MYOM1: variants seen among roughly 807,000 people sequenced by gnomAD.
MYOM1 encodes myomesin 1, also known as myomesin-1.
Under a neutral mutation model 205.3 loss-of-function variants are expected in MYOM1, and 164 were observed. The ratio of observed to expected loss-of-function variants is 0.80; its 90% CI spans 0.70 to 0.91. The LOEUF is 0.91. MYOM1 is among the 40% of genes least tolerant of loss of function. The probability of loss-of-function intolerance (pLI) is 0.00; values close to 1 mark genes in which losing one functional copy is unlikely to be tolerated. For synonymous variants in MYOM1, 772 were observed against 789.4 expected, an observed-to-expected ratio of 0.98 and a Z score of 0.37; for missense variants, 2,011 against 2,127.3, an observed-to-expected ratio of 0.95 and a Z score of 1.08.
At chr18:3,216,774 C>T (rs1156419238) in intron 1 of MYOM1, among the ~76,000 whole-genome samples, 1 of 152,122 alleles carries the variant, frequency 6.6e-6, no homozygotes, top group African/African-American at 2.4e-5. Context: ...GACTCATTCT[C>T]GCCGATGTCT....
At chr18:3,118,624 G>A (rs1214307125) in intron 20 of MYOM1, among the ~76,000 whole-genome samples, 1 of 152,078 alleles carries the variant, frequency 6.6e-6, no homozygotes, top group Non-Finnish European at 1.5e-5. Flanking sequence ...ATGAGCCACC[G>A]CACCCAGCCA....
chr18:3,112,945 T>C (rs2079548771), intron 21 of MYOM1, among the ~76,000 whole-genome samples: 1 of 152,212 alleles, frequency 6.6e-6, no homozygotes, highest in Admixed American at 6.5e-5. Flanking sequence ...TAATTGTTCC[T>C]GTAAATTTAA....
chr18:3,123,408 G>A (rs539870927), intron 19 of MYOM1, among the ~76,000 whole-genome samples: 30 of 151,836 alleles, frequency 2.0e-4, no homozygotes, highest in Admixed American at 3.3e-4. Context: ...AAAATATATC[G>A]TCTCTATTAA....
In MYOM1 at chr18:3,147,619, T is replaced by C. The variant is rs1054956376; in HGVS notation, c.1900+1526A>G. Among the ~76,000 whole-genome samples the C allele has an allele frequency of 1.1e-4, 16 of 152,160 alleles. No homozygotes were observed. The South Asian group carries it at 3.3e-3, about 32-fold the overall frequency. ...GAAAAAATGAAGCTCAGAAAAGCTA[T>C]AGTAATAAAGACAGTATGGTATTGA... On this transcript the variant is annotated intron_variant, in intron 13 of 37. Transcript: ENST00000356443.
chr18:3,245,538 TAGGTGGACATTTGAAGAAC>T, the MYOM1 span, among the ~76,000 whole-genome samples: 1 of 152,182 alleles, frequency 6.6e-6, no homozygotes. Context: ...ATCAAAATAC[TAGGTGGACATTTGAAGAAC>T]ATTTTATCGA....
chr18:3,229,976 C>CAAAAAAAAAAAAAAAAAAAAAAAAAA, the MYOM1 span, among the ~76,000 whole-genome samples: 1 of 79,062 alleles, frequency 1.3e-5, no homozygotes. Flanking sequence ...AACTCCATCT[C>CAAAAAAAAAAAAAAAAAAAAAAAAAA]AAAAAAAAAA....
intron 31 of MYOM1, among the ~76,000 whole-genome samples, chr18:3,084,577 T>C (rs2079127872): frequency 6.6e-6 from 1 of 152,184 alleles, no homozygotes; most frequent in Non-Finnish European, 1.5e-5. Context: ...AAGTTTGGAG[T>C]TCCCATGTAG....
intron 2 of MYOM1, among the ~76,000 whole-genome samples, chr18:3,211,623 CTAAAT>C (rs2081191447): frequency 1.3e-5 from 2 of 152,136 alleles, no homozygotes; most frequent in South Asian, 4.2e-4. Flanking sequence ...GTTTGTTTTC[CTAAAT>C]TATTTTCTTT....
intron 11 of MYOM1, among the ~76,000 whole-genome samples, chr18:3,154,648 C>T (rs1430797383): frequency 2.6e-5 from 3 of 114,320 alleles, no homozygotes; most frequent in African/African-American, 1.0e-4. Context: ...CACACACACA[C>T]ACATTTATAA....
chr18:3,092,720 G>A (rs777329126), intron 26 of MYOM1, among the ~76,000 whole-genome samples: 17 of 152,084 alleles, frequency 1.1e-4, no homozygotes, highest in Admixed American at 3.3e-4. Context: ...TCATGCTCCC[G>A]AGCCTCACCT....
At chr18:3,083,952 C>T in intron 32 of MYOM1, 37 bp downstream of exon 32, 2 of 1,583,522 alleles carry the variant, frequency 1.3e-6, no homozygotes, top group Non-Finnish European at 1.7e-6. Context: ...GCAGGAGGAT[C>T]ATAAAGCATT....
chr18:3,239,899 C>G, the MYOM1 span, among the ~76,000 whole-genome samples: 4 of 151,942 alleles, frequency 2.6e-5, no homozygotes, highest in African/African-American at 9.7e-5. Flanking sequence ...TTCCTACACT[C>G]AAGTGGACAA....
chr18:3,201,051 G>GA, intron 2 of MYOM1, among the ~76,000 whole-genome samples: 1 of 152,194 alleles, frequency 6.6e-6, no homozygotes, highest in Non-Finnish European at 1.5e-5. Flanking sequence ...TTCTCATCAG[G>GA]AAAAATGGCA....
At chr18:3,072,285 G>A (rs1251787915) in intron 36 of MYOM1, among the ~76,000 whole-genome samples, 2 of 146,850 alleles carry the variant, frequency 1.4e-5, no homozygotes, top group East Asian at 2.0e-4. Flanking sequence ...TCCTGACCTC[G>A]TGATCCATCC....
intron 22 of MYOM1, among the ~76,000 whole-genome samples, chr18:3,111,944 A>G (rs2079533187): frequency 1.3e-5 from 2 of 152,292 alleles, no homozygotes; most frequent in South Asian, 2.1e-4. Context: ...AGCTTCCCCT[A>G]TGATTGGGAA....
At position 3,209,167 on chromosome 18, in the gene MYOM1, C is replaced by T. The variant is rs1461848882; in HGVS notation, c.290+5767G>A. On this transcript the variant is annotated intron_variant, in intron 2 of 37. Coordinates refer to ENST00000356443, the MANE Select transcript of MYOM1 (RefSeq NM_003803.4). The surrounding 1 kb of genome is among the most constrained non-coding windows in gnomAD (Gnocchi z 4.0). ...AATGGGGAACAAGTGAATGGTTTTA[C>T]TATCATCATACCACCTAAAGAGAGT... Among the ~76,000 whole-genome samples the T allele has an allele frequency of 6.6e-6, 1 of 152,186 alleles. No individual in the cohort carries two copies. Among genetic ancestry groups the T allele is most frequent in the East Asian group, 1.9e-4 (1 of 5,194 alleles).
intron 12 of MYOM1, among the ~76,000 whole-genome samples, chr18:3,149,810 TA>T (rs1567935153): frequency 6.6e-6 from 1 of 152,234 alleles, no homozygotes; most frequent in African/African-American, 2.4e-5. Flanking sequence ...AGAGTAGTTC[TA>T]CTCTTGCATT....
chr18:3,236,735 C>T, the MYOM1 span, among the ~76,000 whole-genome samples: 1 of 152,170 alleles, frequency 6.6e-6, no homozygotes, highest in Non-Finnish European at 1.5e-5. Context: ...TAGAGATACA[C>T]ACTTGGTGAT....
chr18:3,121,453 C>A (rs891328008), intron 19 of MYOM1, among the ~76,000 whole-genome samples: 2 of 152,154 alleles, frequency 1.3e-5, no homozygotes, highest in African/African-American at 4.8e-5. Flanking sequence ...TCAGCGGCAA[C>A]AATGGGCCAG....
Sources: allele counts gnomAD v4.1 joint callset (sites outside exome capture counted in the v4.1 genomes callset), GRCh38; gene constraint gnomAD v4.1.1; non-coding constraint Gnocchi (gnomAD v3.1); transcripts MANE v1.5; gene names NCBI Gene and HGNC (gene_info 2026-07-23, HGNC 2026-07-21).